DMD: variants seen among roughly 807,000 people sequenced by gnomAD.
DMD encodes the protein mutant dystrophin.
In DMD, 63 loss-of-function variants were observed where a neutral mutation model predicts 330.1. The ratio of observed to expected loss-of-function variants is 0.19; its 90% CI spans 0.16 to 0.24. DMD has a LOEUF of 0.24. DMD is among the 10% of genes least tolerant of loss of function. DMD has a pLI of 1.00. For synonymous variants in DMD, 1,223 were observed against 959.8 expected (o/e 1.27, Z -5.07); for missense variants, 3,344 against 2,684.1 (o/e 1.25, Z -5.43).
chrX:32,731,909 A>T (rs1474026456), intron 7 of DMD, among the ~76,000 whole-genome samples: 1 of 112,417 alleles, frequency 8.9e-6, no homozygotes, highest in African/African-American at 3.2e-5. Flanking sequence ...AAAGCTGGAG[A>T]GAGGATGACT....
intron 1 of DMD, among the ~76,000 whole-genome samples, chrX:33,084,564 G>C (rs963973185): frequency 9.9e-5 from 11 of 111,168 alleles, no homozygotes; most frequent in Non-Finnish European, 3.8e-5. Flanking sequence ...TCAGTTCCTG[G>C]GTGGAGGCCA....
At chrX:31,699,920 G>A (rs1320297099) in intron 52 of DMD, among the ~76,000 whole-genome samples, 2 of 111,404 alleles carry the variant, frequency 1.8e-5, no homozygotes, top group African/African-American at 6.5e-5. Flanking sequence ...GGGCACGGTG[G>A]CTCACACCTG....
chrX:32,164,378 C>T (rs1037136627), intron 44 of DMD, among the ~76,000 whole-genome samples: 18 of 111,357 alleles, frequency 1.6e-4, no homozygotes, highest in African/African-American at 5.6e-4. Context: ...GAAGTCCAGG[C>T]AGAGGTGGTC....
At chrX:33,226,861 C>T (rs1442621982) in intron 1 of DMD, among the ~76,000 whole-genome samples, 1 of 109,207 alleles carries the variant, frequency 9.2e-6, no homozygotes, top group Admixed American at 1.0e-4. Flanking sequence ...TCCTGCCATA[C>T]GACACTGACA....
At chrX:31,199,353 A>G (rs1266519993) in intron 67 of DMD, among the ~76,000 whole-genome samples, 4 of 112,536 alleles carry the variant, frequency 3.6e-5, no homozygotes, top group African/African-American at 1.3e-4. Flanking sequence ...ATATGCTATT[A>G]ATGTGGAAAC....
At chrX:32,876,579 C>T (rs776962035) in intron 2 of DMD, among the ~76,000 whole-genome samples, 2 of 111,850 alleles carry the variant, frequency 1.8e-5, no homozygotes, top group South Asian at 3.8e-4. Context: ...CCTGATCTTG[C>T]GGTCTCTCGG....
In DMD at chrX:32,692,703, T is replaced by C. The variant is rs145556093; in HGVS notation, c.960+5167A>G. 4.2e-3 allele frequency among the ~76,000 whole-genome samples: 469 copies of C among 112,197 alleles called. 2 individuals are homozygous for C. Among genetic ancestry groups the C allele is most frequent in the African/African-American group, 0.015 (451 of 30,903 alleles). On this transcript the variant is annotated intron_variant, in intron 9 of 78. Coordinates refer to ENST00000357033, the MANE Select transcript of DMD (RefSeq NM_004006.3). ...CCTTAGAATCTTTTACTCGGTATAT[T>C]AACTTGCCGAACTCTATACAGGTTG...
chrX:33,193,112 G>A (rs1333321721), intron 1 of DMD, among the ~76,000 whole-genome samples: 1 of 111,702 alleles, frequency 9.0e-6, no homozygotes, highest in African/African-American at 3.3e-5. Context: ...TTCAAGACCA[G>A]CCTGGCCAAC....
intron 60 of DMD, among the ~76,000 whole-genome samples, chrX:31,411,510 T>C (rs1409971557): frequency 8.9e-6 from 1 of 112,307 alleles, no homozygotes; most frequent in Non-Finnish European, 1.9e-5. Context: ...ACATTGTATA[T>C]ATTGGTCACT....
chrX:31,647,346 T>C (rs1195246651), intron 54 of DMD, among the ~76,000 whole-genome samples: 1 of 111,680 alleles, frequency 9.0e-6, no homozygotes, highest in Non-Finnish European at 1.9e-5. Context: ...TAAGCAGAGG[T>C]CAAAAGCTAG....
At chrX:32,108,290 C>T (rs931940022) in intron 44 of DMD, among the ~76,000 whole-genome samples, 8 of 111,553 alleles carry the variant, frequency 7.2e-5, no homozygotes, top group African/African-American at 2.0e-4. Flanking sequence ...ACAAATACAA[C>T]AAAATACTAT....
intron 55 of DMD, among the ~76,000 whole-genome samples, chrX:31,597,214 T>C (rs753209930): frequency 7.1e-5 from 8 of 112,062 alleles, no homozygotes; most frequent in African/African-American, 2.6e-4. Flanking sequence ...TAAACAAATA[T>C]ATAAATTTTA....
intron 52 of DMD, among the ~76,000 whole-genome samples, chrX:31,706,097 T>C (rs1468372023): frequency 2.8e-5 from 3 of 107,678 alleles, no homozygotes; most frequent in Non-Finnish European, 3.8e-5. Flanking sequence ...TGACAAGAGA[T>C]TGGATGTAAA....
intron 53 of DMD, among the ~76,000 whole-genome samples, chrX:31,662,170 TG>T (rs1387273371): frequency 1.8e-5 from 2 of 111,772 alleles, no homozygotes; most frequent in Non-Finnish European, 1.9e-5. Flanking sequence ...CTTTGCTAAA[TG>T]GGAATATTAA....
At chrX:32,149,407 A>C (rs772224874) in intron 44 of DMD, among the ~76,000 whole-genome samples, 1 of 112,353 alleles carries the variant, frequency 8.9e-6, no homozygotes, top group African/African-American at 3.2e-5. Flanking sequence ...CTTGGCATAT[A>C]TCATTTCATT....
intron 60 of DMD, among the ~76,000 whole-genome samples, chrX:31,375,635 G>A (rs1433966766): frequency 9.0e-6 from 1 of 111,497 alleles, no homozygotes; most frequent in African/African-American, 3.3e-5. Flanking sequence ...GTATAATTCC[G>A]CTTACATGAT....
intron 55 of DMD, among the ~76,000 whole-genome samples, chrX:31,564,454 A>G (rs1471444767): frequency 1.8e-5 from 2 of 111,682 alleles, no homozygotes; most frequent in African/African-American, 3.3e-5. Context: ...AAATTCGTAC[A>G]TATCTCCTGA....
chrX:31,258,200 G>C (rs1207524857), intron 63 of DMD, among the ~76,000 whole-genome samples: 2 of 112,331 alleles, frequency 1.8e-5, no homozygotes, highest in Non-Finnish European at 3.8e-5. Flanking sequence ...AGAAAACTGA[G>C]GACAAATCCA....
intron 7 of DMD, among the ~76,000 whole-genome samples, chrX:32,760,181 A>G (rs1295510866): frequency 2.7e-5 from 3 of 111,959 alleles, no homozygotes; most frequent in African/African-American, 9.7e-5. Context: ...TTATTAGGTA[A>G]CGTACCCAAG....
Sources: allele counts gnomAD v4.1 joint callset (sites outside exome capture counted in the v4.1 genomes callset), GRCh38; gene constraint gnomAD v4.1.1; transcripts MANE v1.5; gene names NCBI Gene and HGNC (gene_info 2026-07-23, HGNC 2026-07-21).